The following ZFHX3 variants were observed in gnomAD, a reference collection of about 807,000 sequenced individuals.
ZFHX3 encodes zinc finger homeobox 3, also known as zinc finger homeobox protein 3.
In ZFHX3, 42 loss-of-function variants were observed where a neutral mutation model predicts 279.1. The ratio of observed to expected loss-of-function variants is 0.15; its 90% CI spans 0.12 to 0.19. The LOEUF (loss-of-function observed/expected upper bound fraction) is 0.19, where lower values mean the gene tolerates loss of function less well. Among genes scored for constraint, ZFHX3 ranks in the 10% least tolerant of loss-of-function variants. The probability of loss-of-function intolerance (pLI) is 1.00; values close to 1 mark genes in which losing one functional copy is unlikely to be tolerated. For synonymous variants in ZFHX3, 2,293 were observed against 1,957.8 expected (o/e 1.17, Z -4.52); for missense variants, 4,981 against 4,754.0 (o/e 1.05, Z -1.40).
In ZFHX3 at chr16:72,794,851, T is replaced by C. The variant is rs2035843781; in HGVS notation, c.7831A>G (p.Met2611Val). ...ATSPSTPTSTMNTLKRKLEEK... is the reference protein window; with the variant it reads ...ATSPSTPTSTVNTLKRKLEEK... ...TCCAGCTTCCTCTTGAGAGTGTTCATTGTGGAGGTTGGAGTTGAAGGAGAA... is the reference window on the plus strand; with the variant it reads ...TCCAGCTTCCTCTTGAGAGTGTTCACTGTGGAGGTTGGAGTTGAAGGAGAA... Residue 2611 changes from methionine to valine, a missense_variant, in exon 9 of 10, where the codon ATG becomes GTG. Coordinates refer to ENST00000268489, the MANE Select transcript of ZFHX3 (RefSeq NM_006885.4). The surrounding 1 kb of genome is among the most constrained non-coding windows in gnomAD (Gnocchi z 4.2). The C allele has an allele frequency of 1.2e-6, 2 of 1,613,948 alleles. No individual in the cohort carries two copies. Among genetic ancestry groups the C allele is most frequent in the Admixed American group, 1.7e-5 (1 of 60,012 alleles).
chr16:73,473,490 C>G (rs2018712159), intron 2 of ZFHX3, among the ~76,000 whole-genome samples: 1 of 152,134 alleles, frequency 6.6e-6, no homozygotes, highest in African/African-American at 2.4e-5. Flanking sequence ...GCAAAATCTG[C>G]CCAACGCTTG....
chr16:73,493,945 C>T (rs2019094329), intron 2 of ZFHX3, among the ~76,000 whole-genome samples: 1 of 152,106 alleles, frequency 6.6e-6, no homozygotes, highest in South Asian at 2.1e-4. Context: ...CTGAAGAAGC[C>T]ATGTGGCTTT....
chr16:73,158,193 C>A (rs972649801), intron 5 of ZFHX3, among the ~76,000 whole-genome samples: 1 of 152,198 alleles, frequency 6.6e-6, no homozygotes, highest in African/African-American at 2.4e-5. Context: ...ATTTACCACT[C>A]TGGGGATTAG....
chr16:73,076,936 T>G (rs1047367386), intron 8 of ZFHX3, among the ~76,000 whole-genome samples: 2 of 152,150 alleles, frequency 1.3e-5, no homozygotes, highest in African/African-American at 4.8e-5. Context: ...CATATCTGAA[T>G]AATCAAAACC....
chr16:73,511,124 C>T (rs825832), intron 2 of ZFHX3, among the ~76,000 whole-genome samples: 27,364 of 152,004 alleles, frequency 0.18, 2,691 homozygotes, highest in East Asian at 0.3. Flanking sequence ...TGGCTGAGAA[C>T]GGAAGTTAAT....
intron 2 of ZFHX3, among the ~76,000 whole-genome samples, chr16:73,608,392 C>T (rs2052212415): frequency 6.6e-6 from 1 of 152,164 alleles, no homozygotes; most frequent in Non-Finnish European, 1.5e-5. Flanking sequence ...ACAGCAGGCA[C>T]TAAAAACATG....
chr16:73,280,890 C>T (rs954871384), intron 4 of ZFHX3, among the ~76,000 whole-genome samples: 1 of 151,836 alleles, frequency 6.6e-6, no homozygotes, highest in African/African-American at 2.4e-5. Context: ...GAGGCTGAGG[C>T]AGGAGAATCT....
chr16:73,023,207 C>A (rs1477262345), intron 1 of ZFHX3, among the ~76,000 whole-genome samples: 2 of 152,196 alleles, frequency 1.3e-5, no homozygotes. Flanking sequence ...AGCCTGGCGA[C>A]AGAGCAAGAC....
chr16:73,011,046 A>C (rs554387332), intron 1 of ZFHX3, among the ~76,000 whole-genome samples: 1 of 152,106 alleles, frequency 6.6e-6, no homozygotes, highest in Non-Finnish European at 1.5e-5. Flanking sequence ...CAGTGGCGTG[A>C]TCTTGGCTCA....
In ZFHX3 at chr16:73,294,617, C is replaced by G. The variant is rs534827083; in HGVS notation, c.-1194+23623G>C. 1.1e-3 allele frequency among the ~76,000 whole-genome samples: 161 copies of G among 151,876 alleles called. 2 individuals are homozygous for G. Among genetic ancestry groups the G allele is most frequent in the African/African-American group, 3.4e-3 (140 of 41,412 alleles). On this transcript the variant is annotated intron_variant, in intron 4 of 17. Coordinates refer to the ZFHX3 transcript ENST00000641206. ...CCTGAGGTCAGGAGCTTGAGACCAG[C>G]CTGGCCAACATGGTGAAACCCTGTC...
Position 72,796,488 on chromosome 16 carries a change from G to A in ZFHX3, c.6194C>T (p.Pro2065Leu). The A allele has an allele frequency of 6.2e-7, 1 of 1,608,608 alleles. No individual in the cohort carries two copies. The highest frequency in any genetic ancestry group is 8.5e-7 in the Non-Finnish European group (1 of 1,179,756). The change falls in exon 9 of 10, where the codon CCC becomes CTC. Residue 2065 changes from proline (P) to leucine (L), a missense_variant. Physicochemically the swap from Pro to Leu is moderately conservative, Grantham distance 98 (BLOSUM62 -3). Coordinates refer to ENST00000268489, the MANE Select transcript of ZFHX3 (RefSeq NM_006885.4). ...TGAGGTGATGGGTGGGGCTGATGCGGGGATGGCTGGTGTGGACGCCGGCTG... is the reference window on the plus strand; with the variant it reads ...TGAGGTGATGGGTGGGGCTGATGCGAGGATGGCTGGTGTGGACGCCGGCTG... ...PPQPASTPAI[P>L]ASAPPITSPT...
At chr16:73,445,298 A>AGGTATG (rs1567486470) in intron 3 of ZFHX3, among the ~76,000 whole-genome samples, 1 of 47,050 alleles carries the variant, frequency 2.1e-5, no homozygotes, top group Non-Finnish European at 6.5e-5. Context: ...ATATATGTAT[A>AGGTATG]TGTATGTGTG....
chr16:73,375,653 T>C (rs1259157522), intron 3 of ZFHX3, among the ~76,000 whole-genome samples: 1 of 152,254 alleles, frequency 6.6e-6, no homozygotes, highest in Non-Finnish European at 1.5e-5. Context: ...TATTTAACTT[T>C]ATTGATCCTT....
intron 1 of ZFHX3, among the ~76,000 whole-genome samples, chr16:73,029,448 T>G (rs1448964529): frequency 6.6e-6 from 1 of 152,218 alleles, no homozygotes; most frequent in African/African-American, 2.4e-5. Flanking sequence ...GGAGAAAAGC[T>G]GAGACCTCAG....
chr16:73,064,273 G>A (rs1854501469), upstream of ZFHX3, among the ~76,000 whole-genome samples: 1 of 151,942 alleles, frequency 6.6e-6, no homozygotes, highest in Admixed American at 6.6e-5. Flanking sequence ...GAGGTTCCGC[G>A]ACGCCCTCCC....
intron 3 of ZFHX3, among the ~76,000 whole-genome samples, chr16:72,900,780 C>G (rs1049263241): frequency 4.6e-5 from 7 of 152,198 alleles, no homozygotes; most frequent in African/African-American, 1.7e-4. Flanking sequence ...TTCTAACAGT[C>G]TCCCAGGTCA....
At chr16:73,575,842 T>C (rs951970246) in intron 2 of ZFHX3, among the ~76,000 whole-genome samples, 1 of 152,156 alleles carries the variant, frequency 6.6e-6, no homozygotes, top group African/African-American at 2.4e-5. Flanking sequence ...TGGAGATGCT[T>C]TGTGCCATTC....
At chr16:73,875,951 T>C (rs1241293022) in intron 1 of ZFHX3, among the ~76,000 whole-genome samples, 1 of 152,238 alleles carries the variant, frequency 6.6e-6, no homozygotes, top group Admixed American at 6.5e-5. Context: ...TGGTCCTTAA[T>C]GGAGATATTT....
rs1355786412 is a variant in ZFHX3 at position 72,797,975 on chromosome 16, G to A, written c.4707C>T (p.His1569=). 5 of 1,614,098 alleles carry A rather than the reference G, an allele frequency of 3.1e-6. No homozygotes were observed. Among genetic ancestry groups the A allele is most frequent in the Non-Finnish European group, 4.2e-6 (5 of 1,180,050 alleles). Residue 1569 remains histidine (H), a synonymous_variant, in exon 9 of 10, where the codon CAC becomes CAT. Coordinates refer to ENST00000268489, the MANE Select transcript of ZFHX3 (RefSeq NM_006885.4). ...GAAGGGCTCTCTTTAACTTATGCAG[G>A]TGGGAGACAGAATTGTAGTGTACTA... ...ILLVHYNSVS[H]LHKLKRALQE...
Sources: allele counts gnomAD v4.1 joint callset (sites outside exome capture counted in the v4.1 genomes callset), GRCh38; gene constraint gnomAD v4.1.1; non-coding constraint Gnocchi (gnomAD v3.1); transcripts MANE v1.5; gene names NCBI Gene and HGNC (gene_info 2026-07-23, HGNC 2026-07-21).